The following POLR3G variants were observed in gnomAD, a reference collection of about 807,000 sequenced individuals.
POLR3G encodes the protein DNA-directed RNA polymerase III subunit RPC7.
A neutral mutation model predicts 30.1 loss-of-function variants in POLR3G; 28 were observed. The ratio of observed to expected loss-of-function variants is 0.93; its 90% CI spans 0.69 to 1.27. POLR3G has a LOEUF of 1.27. Among genes scored for constraint, POLR3G ranks in the 50% most tolerant of loss-of-function variants. POLR3G has a pLI of 0.00. For missense variants in POLR3G, 254 were observed against 264.6 expected, an observed-to-expected ratio of 0.96 and a Z score of 0.28; for synonymous variants, 79 against 82.5, an observed-to-expected ratio of 0.96 and a Z score of 0.23.
chr5:90,501,788 A>G (rs1180463252), intron 5 of POLR3G, 118 bp from the exon 6 acceptor site: 2 of 1,099,342 alleles, frequency 1.8e-6, no homozygotes, highest in Non-Finnish European at 2.6e-6. Flanking sequence ...TTACTCTGAA[A>G]ACTATGTGAC....
At chr5:90,501,793 T>C in intron 5 of POLR3G, 113 bp from the exon 6 acceptor site, 1 of 1,145,936 alleles carries the variant, frequency 8.7e-7, no homozygotes, top group Non-Finnish European at 1.2e-6. Flanking sequence ...CTGAAAACTA[T>C]GTGACTGCCT....
chr5:90,501,346 G>C (rs1409198994), intron 5 of POLR3G, among the ~76,000 whole-genome samples: 1 of 151,994 alleles, frequency 6.6e-6, no homozygotes, highest in East Asian at 1.9e-4. Context: ...TTATACCATT[G>C]GTTTTTATTG....
chr5:90,474,604 G>A (rs1285259405), upstream of POLR3G: 1 of 394,584 alleles, frequency 2.5e-6, no homozygotes, highest in Non-Finnish European at 4.6e-6. Context: ...TAACGCAGGG[G>A]CCACTGCAGC....
chr5:90,495,630 G>T (rs1273692780), intron 3 of POLR3G, 47 bp from the exon 4 acceptor site: 2 of 1,586,100 alleles, frequency 1.3e-6, no homozygotes, highest in Admixed American at 1.8e-5. Flanking sequence ...TAAGTTCAGG[G>T]TTACTGTTGA....
chr5:90,475,177 T>A (rs1251410127), intron 1 of POLR3G, among the ~76,000 whole-genome samples, 157 bp downstream of exon 1: 1 of 152,176 alleles, frequency 6.6e-6, no homozygotes, highest in Admixed American at 6.5e-5. Context: ...CCTCCCCTCC[T>A]TGTCCTGCTC....
intron 3 of POLR3G, among the ~76,000 whole-genome samples, chr5:90,491,976 G>A (rs1264264659): frequency 2.6e-5 from 4 of 152,014 alleles, no homozygotes; most frequent in African/African-American, 9.7e-5. Flanking sequence ...GTTTGTAGTT[G>A]CTCTGTTTTA....
At chr5:90,501,449 G>A (rs1346922194) in intron 5 of POLR3G, among the ~76,000 whole-genome samples, 1 of 152,128 alleles carries the variant, frequency 6.6e-6, no homozygotes, top group Non-Finnish European at 1.5e-5. Context: ...AAAGCTGAAA[G>A]GAATATTTAT....
intron 3 of POLR3G, among the ~76,000 whole-genome samples, chr5:90,489,592 G>T (rs574598558): frequency 6.6e-6 from 1 of 152,098 alleles, no homozygotes; most frequent in East Asian, 1.9e-4. Context: ...TAACTCTCAT[G>T]ATGATGTTGC....
In POLR3G at chr5:90,502,397, A is replaced by T. The variant is rs537869037; in HGVS notation, c.438+409A>T. Reference sequence around the variant, plus strand: ...TAATGCTTTTTTTTTGGTCTTAAGTATTGAAGACTCTTGAGGGAAAAATGT... The same window carrying T: ...TAATGCTTTTTTTTTGGTCTTAAGTTTTGAAGACTCTTGAGGGAAAAATGT... On this transcript the variant is annotated intron_variant, in intron 6 of 7. Coordinates refer to ENST00000651687, the MANE Select transcript of POLR3G (RefSeq NM_006467.3). 22 of 893,398 alleles carry T rather than the reference A, an allele frequency of 2.5e-5. 2 individuals carry two copies. In the South Asian group the frequency reaches 1.1e-3, roughly 44 times the overall value. The allele number at this position is 893,398 out of a possible 1,614,324, so 55.3% of individuals were successfully genotyped here.
rs34374200 is a variant in POLR3G, at chr5:90,502,801, C to CTTTTTTTT, written c.438+815_438+816insTTTTTTTT. Among the ~76,000 whole-genome samples the CTTTTTTTT allele has an allele frequency of 1.1e-4, 16 of 142,272 alleles. 5 individuals are homozygous for CTTTTTTTT. The highest frequency in any genetic ancestry group is 1.1e-4 in the Non-Finnish European group (7 of 65,576). 93.3% of individuals were successfully genotyped at this position (142,272 alleles called of 152,430 possible). A position where few individuals can be genotyped will look rare whatever the true frequency, so the allele number is the denominator to read the frequency against. On this transcript the variant is annotated intron_variant, in intron 6 of 7. Transcript: ENST00000651687. ...TAAGTCTGTGTAGAGTTACCTCATC[C>CTTTTTTTT]TTCTTTTTTTTTTTTTGGCTGCACT...
intron 7 of POLR3G, among the ~76,000 whole-genome samples, chr5:90,511,382 C>G (rs1220452346): frequency 1.3e-5 from 2 of 152,106 alleles, no homozygotes; most frequent in African/African-American, 4.8e-5. Context: ...TACATTGCAA[C>G]TGATTAATAA....
intron 6 of POLR3G, chr5:90,502,358 A>C: frequency 1.1e-6 from 1 of 921,894 alleles, no homozygotes; most frequent in Non-Finnish European, 1.3e-6. Flanking sequence ...CCTGTTGGTT[A>C]ATATGTACAG....
At chr5:90,484,828 C>G (rs1474008762) in intron 1 of POLR3G, among the ~76,000 whole-genome samples, 1 of 152,164 alleles carries the variant, frequency 6.6e-6, no homozygotes, top group Non-Finnish European at 1.5e-5. Flanking sequence ...TGAATGCAGA[C>G]TTCTATTGAA....
chr5:90,483,207 A>G lies in POLR3G; in HGVS notation c.-43-2318A>G, dbSNP rs187932814. ...TTCGGGGAAACTGATTTAAGGAATAATAAAACTCCGGTCTCCCGCACAGCC... is the reference window on the plus strand; with the variant it reads ...TTCGGGGAAACTGATTTAAGGAATAGTAAAACTCCGGTCTCCCGCACAGCC... On this transcript the variant is annotated intron_variant, in intron 1 of 7. Coordinates refer to ENST00000651687, the MANE Select transcript of POLR3G (RefSeq NM_006467.3). Among the ~76,000 whole-genome samples the G allele has an allele frequency of 1.5e-4, 23 of 151,978 alleles. 1 individual carries two copies. The highest frequency in any genetic ancestry group is 3.1e-4 in the Non-Finnish European group (21 of 67,996).
chr5:90,489,456 T>G (rs1751613067), intron 3 of POLR3G, among the ~76,000 whole-genome samples: 1 of 151,586 alleles, frequency 6.6e-6, no homozygotes, highest in Non-Finnish European at 1.5e-5. Flanking sequence ...AATAGAGATG[T>G]TTCACCATGT....
chr5:90,507,325 C>T (rs1238739162), intron 7 of POLR3G, among the ~76,000 whole-genome samples: 4 of 152,192 alleles, frequency 2.6e-5, no homozygotes, highest in Non-Finnish European at 4.4e-5. Flanking sequence ...CCTTTGTCTT[C>T]ATTCCATTTC....
chr5:90,488,452 T>C (rs1561250552), intron 3 of POLR3G, among the ~76,000 whole-genome samples: 1 of 152,142 alleles, frequency 6.6e-6, no homozygotes. Flanking sequence ...AGATTTTTTC[T>C]TATGCATGTA....
chr5:90,494,394 A>T (rs1434783390), intron 3 of POLR3G, among the ~76,000 whole-genome samples: 3 of 152,206 alleles, frequency 2.0e-5, no homozygotes, highest in Non-Finnish European at 4.4e-5. Flanking sequence ...ATGTGAAGAC[A>T]TGTTTTCATT....
upstream of POLR3G, chr5:90,474,347 G>A (rs1047623263): frequency 5.3e-6 from 8 of 1,503,312 alleles, no homozygotes; most frequent in Non-Finnish European, 7.4e-6. Context: ...GTCTCCCACA[G>A]GCTGTCCACA....
Sources: allele counts gnomAD v4.1 joint callset (sites outside exome capture counted in the v4.1 genomes callset), GRCh38; gene constraint gnomAD v4.1.1; transcripts MANE v1.5; gene names NCBI Gene and HGNC (gene_info 2026-07-23, HGNC 2026-07-21).